Variants in CGNL1 observed in about 807,000 individuals in gnomAD.
CGNL1 encodes the protein cingulin-like protein 1.
Under a neutral mutation model 141.2 loss-of-function variants are expected in CGNL1, and 132 were observed. The ratio of observed to expected loss-of-function variants is 0.93; its 90% CI spans 0.81 to 1.08. CGNL1 has a LOEUF of 1.08. Among genes scored for constraint, CGNL1 ranks in the 50% least tolerant of loss-of-function variants. CGNL1 has a pLI of 0.00. For synonymous variants in CGNL1, 690 were observed against 622.1 expected, an observed-to-expected ratio of 1.11 and a Z score of -1.63; for missense variants, 1,870 against 1,588.6, an observed-to-expected ratio of 1.18 and a Z score of -3.01.
chr15:57,427,876 C>G lies in CGNL1; in HGVS notation c.-15-10109C>G, dbSNP rs1047304339. Among the ~76,000 whole-genome samples the G allele has an allele frequency of 1.6e-4, 24 of 152,102 alleles. 1 individual carries two copies. The highest frequency in any genetic ancestry group is 2.9e-5 in the Non-Finnish European group (2 of 68,014). ...GGCTGGAGGTGGGAAGGAAAGCCCC[C>G]TTGAGGCTGTGGATCTGGTTCTCAT... On this transcript the variant is annotated intron_variant, in intron 1 of 18. Transcript: ENST00000281282.
At chr15:57,512,390 T>TG (rs2152401180) in intron 8 of CGNL1, among the ~76,000 whole-genome samples, 1 of 152,090 alleles carries the variant, frequency 6.6e-6, no homozygotes, top group South Asian at 2.1e-4. Flanking sequence ...CATGTGGGGG[T>TG]GTGGGGGCAT....
In CGNL1 at chr15:57,529,023, G is replaced by A. The variant is rs968539733; in HGVS notation, c.3201+208G>A. The stretch of plus-strand genomic sequence containing the variant: ...GGACATCAGAGCTAGAAGGAATGAT[G>A]GATATAAATTAGTCTAACATTCTCA... On this transcript the variant is annotated intron_variant, in intron 13 of 18. Coordinates refer to ENST00000281282, the MANE Select transcript of CGNL1 (RefSeq NM_032866.5). 12 of 513,082 alleles carry A rather than the reference G, an allele frequency of 2.3e-5. No homozygotes were observed. The Admixed American group carries it at 3.4e-4, about 15-fold the overall frequency. The allele number at this position is 513,082 out of a possible 1,614,324, so 31.8% of individuals were successfully genotyped here.
At chr15:57,416,458 C>G (rs2062850671) in intron 1 of CGNL1, among the ~76,000 whole-genome samples, 1 of 152,136 alleles carries the variant, frequency 6.6e-6, no homozygotes, top group Non-Finnish European at 1.5e-5. Flanking sequence ...GCATCCTGCT[C>G]TTCCTTCTAC....
At chr15:57,427,937 C>T (rs1358857970) in intron 1 of CGNL1, among the ~76,000 whole-genome samples, 4 of 150,178 alleles carry the variant, frequency 2.7e-5, no homozygotes, top group African/African-American at 9.8e-5. Context: ...GCTGGAGATG[C>T]CTGAAGGATG....
intron 1 of CGNL1, among the ~76,000 whole-genome samples, chr15:57,391,039 T>C (rs1003793860): frequency 3.9e-5 from 6 of 152,294 alleles, no homozygotes; most frequent in African/African-American, 1.4e-4. Flanking sequence ...TCCTAGGCTG[T>C]AGCTTCCAGA....
intron 1 of CGNL1, among the ~76,000 whole-genome samples, chr15:57,413,850 C>T (rs2062820313): frequency 6.6e-6 from 1 of 152,202 alleles, no homozygotes; most frequent in Non-Finnish European, 1.5e-5. Flanking sequence ...TTGGCCTTTT[C>T]ATCCCCCAGT....
At chr15:57,427,013 G>A (rs918261322) in intron 1 of CGNL1, among the ~76,000 whole-genome samples, 5 of 152,148 alleles carry the variant, frequency 3.3e-5, no homozygotes, top group African/African-American at 9.7e-5. Flanking sequence ...ATGAATGGCC[G>A]TTCTGCAAGT....
chr15:57,455,859 G>A (rs1430545121), intron 7 of CGNL1, among the ~76,000 whole-genome samples: 6 of 152,114 alleles, frequency 3.9e-5, no homozygotes, highest in African/African-American at 1.2e-4. Flanking sequence ...CTGATAATGC[G>A]AGATACAGGA....
intron 7 of CGNL1, 75 bp from the exon 8 acceptor site, chr15:57,461,605 A>G: frequency 5.6e-6 from 7 of 1,260,478 alleles, no homozygotes; most frequent in Non-Finnish European, 8.1e-6. Context: ...TGGGGACTGA[A>G]CTGGAGGGGA....
At chr15:57,518,104 A>T (rs1263903619) in intron 9 of CGNL1, among the ~76,000 whole-genome samples, 1 of 152,050 alleles carries the variant, frequency 6.6e-6, no homozygotes, top group African/African-American at 2.4e-5. Context: ...CCAGGAGTTC[A>T]TGACCAGCCA....
At chr15:57,493,443 A>G (rs2063894625) in intron 8 of CGNL1, among the ~76,000 whole-genome samples, 1 of 152,206 alleles carries the variant, frequency 6.6e-6, no homozygotes, top group Non-Finnish European at 1.5e-5. Flanking sequence ...GCTTATCAAG[A>G]CTGTACGTGA....
chr15:57,497,235 C>G (rs2063952369), intron 8 of CGNL1, among the ~76,000 whole-genome samples: 1 of 152,174 alleles, frequency 6.6e-6, no homozygotes, highest in South Asian at 2.1e-4. Context: ...GGAAAGAAGG[C>G]CTTTGGCAAG....
Position 57,415,043 on chromosome 15 carries a change from A to C in CGNL1, c.-15-22942A>C, listed in dbSNP as rs2062833411. 2.0e-5 allele frequency among the ~76,000 whole-genome samples: 3 copies of C among 152,202 alleles called. No homozygotes were observed. The South Asian group carries it at 6.2e-4, about 32-fold the overall frequency. On this transcript the variant is annotated intron_variant, in intron 1 of 18. Coordinates refer to ENST00000281282, the MANE Select transcript of CGNL1 (RefSeq NM_032866.5). Reference sequence around the variant, plus strand: ...GGAGCAGATGAATGGTGTCTTATGGAACCCATGGCAGGAGGCAGCAGCCTT... The same window carrying C: ...GGAGCAGATGAATGGTGTCTTATGGCACCCATGGCAGGAGGCAGCAGCCTT...
intron 1 of CGNL1, among the ~76,000 whole-genome samples, chr15:57,384,331 T>C (rs1340431987): frequency 6.6e-6 from 1 of 152,158 alleles, no homozygotes; most frequent in African/African-American, 2.4e-5. Flanking sequence ...AGCATTTGCC[T>C]CCAGCCCCAT....
chr15:57,450,269 C>G (rs2063306081), intron 4 of CGNL1, among the ~76,000 whole-genome samples: 2 of 152,002 alleles, frequency 1.3e-5, no homozygotes, highest in Admixed American at 1.3e-4. Flanking sequence ...ATATTGGTAT[C>G]TCGTTGGTTT....
intron 11 of CGNL1, 127 bp from the exon 12 acceptor site, chr15:57,524,454 C>A: frequency 1.1e-6 from 1 of 875,772 alleles, no homozygotes; most frequent in Non-Finnish European, 1.8e-6. Flanking sequence ...GGATCAGGTG[C>A]TGGGCCATCT....
intron 14 of CGNL1, among the ~76,000 whole-genome samples, chr15:57,532,538 C>T (rs960664664): frequency 3.9e-5 from 6 of 152,162 alleles, no homozygotes; most frequent in African/African-American, 9.7e-5. Context: ...AAATTAGTTC[C>T]GTCATCTATA....
intron 8 of CGNL1, among the ~76,000 whole-genome samples, chr15:57,482,431 T>G (rs1434889222): frequency 1.3e-5 from 2 of 152,238 alleles, no homozygotes; most frequent in East Asian, 3.8e-4. Context: ...CATTTTACAT[T>G]TAAGCTCACA....
chr15:57,403,568 G>C (rs1258259932), intron 1 of CGNL1, among the ~76,000 whole-genome samples: 2 of 152,174 alleles, frequency 1.3e-5, no homozygotes, highest in African/African-American at 2.4e-5. Flanking sequence ...GAGAGCAATG[G>C]GCAGAGGCTG....
Sources: allele counts gnomAD v4.1 joint callset (sites outside exome capture counted in the v4.1 genomes callset), GRCh38; gene constraint gnomAD v4.1.1; transcripts MANE v1.5; gene names NCBI Gene and HGNC (gene_info 2026-07-23, HGNC 2026-07-21).